The following GALR1 variants were observed in gnomAD, a reference collection of about 807,000 sequenced individuals.
GALR1 encodes galanin receptor type 1.
In GALR1, 11 loss-of-function variants were observed where a neutral mutation model predicts 17.9. The observed-to-expected ratio is 0.62, with a 90% CI of 0.39 to 1.02. GALR1 has a LOEUF of 1.02. GALR1 is among the 50% of genes least tolerant of loss of function. GALR1 has a pLI of 0.01. For missense variants in GALR1, 441 were observed against 456.9 expected, an observed-to-expected ratio of 0.97 and a Z score of 0.32; for synonymous variants, 206 against 205.7, an observed-to-expected ratio of 1.00 and a Z score of -0.01.
Position 77,251,290 on chromosome 18 carries a change from C to T in GALR1, c.666+76C>T, listed in dbSNP as rs368341889. On this transcript the variant is annotated intron_variant, in intron 1 of 2. Coordinates refer to ENST00000299727, the MANE Select transcript of GALR1 (RefSeq NM_001480.4). ...TGGGGGCCCTGGGGTCTCAGTGTCC[C>T]GCGGCCCTGCCGGAGCCTTGGCGGC... is the stretch of plus-strand genomic sequence containing the variant. 189 of 1,518,030 alleles carry T rather than the reference C, an allele frequency of 1.2e-4. No homozygotes were observed. The East Asian group carries it at 2.9e-3, about 23-fold the overall frequency. 94.0% of individuals were successfully genotyped at this position (1,518,030 alleles called of 1,614,324 possible).
At chr18:77,262,815 T>C (rs573638456) in intron 2 of GALR1, among the ~76,000 whole-genome samples, 1 of 152,232 alleles carries the variant, frequency 6.6e-6, no homozygotes. Context: ...CAAACTGTAA[T>C]TCCATCTCAT....
In GALR1 at chr18:77,251,206, T is replaced by C; in HGVS notation, c.658T>C (p.Tyr220His). 6.2e-7 allele frequency: 1 copy of C among 1,603,720 alleles called. No individual in the cohort carries two copies. Among genetic ancestry groups the C allele is most frequent in the Non-Finnish European group, 8.5e-7 (1 of 1,172,510 alleles). The stretch of plus-strand genomic sequence containing the variant: ...GCCGCTCCTGCTCATCTGCTTCTGC[T>C]ATGCCAAGGTGCACGCCGGTCGCGG... ...LLPLLLICFCYAKVLNHLHKK... is the reference protein window; with the variant it reads ...LLPLLLICFCHAKVLNHLHKK... Residue 220 changes from tyrosine to histidine, a missense_variant, in exon 1 of 3, where the codon TAT becomes CAT. Coordinates refer to ENST00000299727, the MANE Select transcript of GALR1 (RefSeq NM_001480.4).
chr18:77,252,720 C>A (rs1198261063), intron 1 of GALR1, among the ~76,000 whole-genome samples: 2 of 151,844 alleles, frequency 1.3e-5, no homozygotes, highest in Non-Finnish European at 2.9e-5. Context: ...TGGTGGCGGG[C>A]CCCTGTAGTC....
chr18:77,259,003 ACAG>A (rs1912720703), intron 2 of GALR1, among the ~76,000 whole-genome samples: 1 of 65,654 alleles, frequency 1.5e-5, no homozygotes, highest in Non-Finnish European at 3.2e-5. Context: ...GGTGGTGGTC[ACAG>A]TGGTGGTGGT....
intron 2 of GALR1, 119 bp from the exon 3 acceptor site, chr18:77,268,466 T>C: frequency 1.4e-6 from 1 of 691,766 alleles, no homozygotes; most frequent in Non-Finnish European, 2.5e-6. Context: ...AAAATTAGCT[T>C]AGGATGTATT....
rs764880864 is a variant in GALR1, at chr18:77,250,668, C to T, written c.120C>T (p.Phe40=). 54 of 1,611,274 alleles carry T rather than the reference C, an allele frequency of 3.4e-5. No individual in the cohort carries two copies. Among genetic ancestry groups the T allele is most frequent in the Non-Finnish European group, 4.6e-5 (54 of 1,179,372 alleles). The part of the protein sequence containing the change: ...GVENFVTLVV[F]GLIFALGVLG... Reference sequence around the variant, plus strand: ...AGAACTTCGTCACGCTGGTGGTGTTCGGCCTGATCTTCGCGCTGGGTGTGC... The same window carrying T: ...AGAACTTCGTCACGCTGGTGGTGTTTGGCCTGATCTTCGCGCTGGGTGTGC... The change falls in exon 1 of 3, where the codon TTC becomes TTT. Residue 40 remains phenylalanine (F), a synonymous_variant. Coordinates refer to ENST00000299727, the MANE Select transcript of GALR1 (RefSeq NM_001480.4).
intron 2 of GALR1, among the ~76,000 whole-genome samples, chr18:77,264,371 A>G (rs1009756435): frequency 6.6e-6 from 1 of 152,066 alleles, no homozygotes; most frequent in African/African-American, 2.4e-5. Flanking sequence ...GTGAAGTTAT[A>G]AGAAAAATAA....
Position 77,269,205 on chromosome 18 carries a change from C to T in GALR1, c.*303C>T, listed in dbSNP as rs5381. The T allele has an allele frequency of 0.076, 18,767 of 247,820 alleles. 825 individuals carry two copies. The highest frequency in any genetic ancestry group is 0.09 in the African/African-American group (3,990 of 44,400). The allele number at this position is 247,820 out of a possible 1,614,324, so 15.4% of individuals were successfully genotyped here. A position where few individuals can be genotyped will look rare whatever the true frequency, so the allele number is the denominator to read the frequency against. On this transcript the variant is annotated 3_prime_UTR_variant, in exon 3 of 3. Coordinates refer to ENST00000299727, the MANE Select transcript of GALR1 (RefSeq NM_001480.4). ...AACATATATATTCCATATATATGTT[C>T]AACTCTTCATAGATTGTGAACTGGC...
At position 77,271,011 on chromosome 18, in the gene GALR1, T is replaced by A. The variant is rs1913051210; in HGVS notation, c.*2109T>A. The A allele has an allele frequency of 6.6e-6, 1 of 152,238 alleles. No homozygotes were observed. The highest frequency in any genetic ancestry group is 2.1e-4 in the South Asian group (1 of 4,830). 9.4% of individuals were successfully genotyped at this position (152,238 alleles called of 1,614,324 possible). On this transcript the variant is annotated 3_prime_UTR_variant, in exon 3 of 3. Coordinates refer to ENST00000299727, the MANE Select transcript of GALR1 (RefSeq NM_001480.4). Reference sequence around the variant, plus strand: ...CAAAACTGTGTAAAGAAGTGCCTTCTTGTTGTGTTTGAGTTTGCATGAATG... The same window carrying A: ...CAAAACTGTGTAAAGAAGTGCCTTCATGTTGTGTTTGAGTTTGCATGAATG...
rs1217959138 is a variant in GALR1, at chr18:77,276,049, A to G, written c.*7147A>G. The G allele has an allele frequency of 1.1e-5, 1 of 95,172 alleles. No individual in the cohort carries two copies. The allele number at this position is 95,172 out of a possible 1,614,324, so 5.9% of individuals were successfully genotyped here. On this transcript the variant is annotated 3_prime_UTR_variant, in exon 3 of 3. Transcript: ENST00000299727. ...CATTCCATTGAAGTGAAATTGGATTATAATTTAGAAATATTTATAAGCCAG... is the reference window on the plus strand; with the variant it reads ...CATTCCATTGAAGTGAAATTGGATTGTAATTTAGAAATATTTATAAGCCAG...
At chr18:77,261,901 G>A (rs911021532) in intron 2 of GALR1, among the ~76,000 whole-genome samples, 1 of 152,124 alleles carries the variant, frequency 6.6e-6, no homozygotes, top group African/African-American at 2.4e-5. Context: ...ATAGCTCACT[G>A]CAGCCTCAAC....
chr18:77,257,049 C>A (rs1280450241), intron 2 of GALR1, among the ~76,000 whole-genome samples: 4 of 151,982 alleles, frequency 2.6e-5, no homozygotes, highest in Non-Finnish European at 4.4e-5. Context: ...TCTTAAAATA[C>A]CTTGTTTTTT....
chr18:77,252,980 TCACCACCATCACCACCAC>T (rs1912494806), intron 1 of GALR1, among the ~76,000 whole-genome samples: 46 of 23,004 alleles, frequency 2.0e-3, no homozygotes, highest in Middle Eastern at 0.016. Flanking sequence ...ATCACCACCA[TCACCACCATCACCACCAC>T]CACCACCACC....
At chr18:77,252,095 GT>G (rs1372044335) in intron 1 of GALR1, among the ~76,000 whole-genome samples, 1 of 152,186 alleles carries the variant, frequency 6.6e-6, no homozygotes, top group Non-Finnish European at 1.5e-5. Context: ...GTGGGAGATA[GT>G]TTTTCCCTTT....
intron 2 of GALR1, among the ~76,000 whole-genome samples, chr18:77,264,150 A>G (rs1169225952): frequency 6.9e-6 from 1 of 145,112 alleles, no homozygotes; most frequent in African/African-American, 2.5e-5. Flanking sequence ...AAAAAAAAAA[A>G]AAAAAAAAAA....
rs777506870 is a variant in GALR1, at chr18:77,268,859, G to T, written c.1007G>T (p.Ser336Ile). The T allele has an allele frequency of 6.2e-7, 1 of 1,613,526 alleles. No homozygotes were observed. The highest frequency in any genetic ancestry group is 1.1e-5 in the South Asian group (1 of 91,074). Reference sequence around the variant, plus strand: ...CTGAGTGATACTAAAGAAAGTAAAAGTCGAATAGACACCCCACCATCAACC... The same window carrying T: ...CTGAGTGATACTAAAGAAAGTAAAATTCGAATAGACACCCCACCATCAACC... ...SHLSDTKESK[S>I]RIDTPPSTNC... is the part of the protein sequence containing the mutation. The change falls in exon 3 of 3, where the codon AGT becomes ATT. Residue 336 changes from serine (S) to isoleucine (I), a missense_variant. By Grantham distance (142) the Ser-to-Ile change is moderately radical (BLOSUM62 -2). Coordinates refer to ENST00000299727, the MANE Select transcript of GALR1 (RefSeq NM_001480.4).
Position 77,250,127 on chromosome 18 carries a change from C to G in GALR1, c.-422C>G, listed in dbSNP as rs5371. On this transcript the variant is annotated 5_prime_UTR_variant, in exon 1 of 3. Transcript: ENST00000299727. ...TCCGAGCAACAGGTGCAGCACGCAG[C>G]CCCTCCGGGAGCCAGGGAAAACCGC... Among the ~76,000 whole-genome samples the G allele has an allele frequency of 0.14, 20,574 of 152,262 alleles. 1,537 individuals carry two copies. The highest frequency in any genetic ancestry group is 0.18 in the South Asian group (846 of 4,832).
In GALR1 at chr18:77,277,046, A is replaced by C. The variant is rs574767406; in HGVS notation, c.*8144A>C. 3.3e-5 allele frequency: 5 copies of C among 152,248 alleles called. No individual in the cohort carries two copies. Among genetic ancestry groups the C allele is most frequent in the African/African-American group, 9.6e-5 (4 of 41,464 alleles). The allele number at this position is 152,248 out of a possible 1,614,324, so 9.4% of individuals were successfully genotyped here. A position where few individuals can be genotyped will look rare whatever the true frequency, so the allele number is the denominator to read the frequency against. ...ATGTGAAGTTTTGAACCCAGTGTTTAAACTCAGTGTTTAAATATTTGCATG... is the reference window on the plus strand; with the variant it reads ...ATGTGAAGTTTTGAACCCAGTGTTTCAACTCAGTGTTTAAATATTTGCATG... On this transcript the variant is annotated 3_prime_UTR_variant, in exon 3 of 3. Coordinates refer to ENST00000299727, the MANE Select transcript of GALR1 (RefSeq NM_001480.4).
intron 2 of GALR1, among the ~76,000 whole-genome samples, chr18:77,262,644 ATGCT>A (rs1404379286): frequency 1.3e-5 from 2 of 152,214 alleles, no homozygotes; most frequent in African/African-American, 4.8e-5. Context: ...ATGGCCTGAG[ATGCT>A]TGATAAACAA....
Sources: allele counts gnomAD v4.1 joint callset (sites outside exome capture counted in the v4.1 genomes callset), GRCh38; gene constraint gnomAD v4.1.1; transcripts MANE v1.5; gene names NCBI Gene and HGNC (gene_info 2026-07-23, HGNC 2026-07-21).